DAAM1: variants seen among roughly 807,000 people sequenced by gnomAD.
DAAM1 encodes the protein disheveled-associated activator of morphogenesis 1.
In DAAM1, 52 loss-of-function variants were observed where a neutral mutation model predicts 130.0. That is an observed-to-expected ratio of 0.40 (90% CI 0.32 to 0.50). The LOEUF is 0.50. Ranked by LOEUF, DAAM1 falls within the 20% of genes least tolerant of loss-of-function variation. DAAM1 has a pLI of 0.61. For missense variants in DAAM1, 1,134 were observed against 1,303.8 expected (o/e 0.87, Z 2.01); for synonymous variants, 452 against 444.5 (o/e 1.02, Z -0.21).
intron 1 of DAAM1, among the ~76,000 whole-genome samples, chr14:59,201,507 C>T (rs1022145627): frequency 5.3e-5 from 8 of 151,932 alleles, no homozygotes; most frequent in Non-Finnish European, 7.4e-5. Flanking sequence ...CCCAGCTACT[C>T]GGGAGGCTGA....
At chr14:59,342,765 C>T (rs1050273139) in intron 16 of DAAM1, among the ~76,000 whole-genome samples, 1 of 152,106 alleles carries the variant, frequency 6.6e-6, no homozygotes, top group African/African-American at 2.4e-5. Context: ...GGACATGGAG[C>T]CCGGCCATGT....
At chr14:59,194,139 G>T (rs957960609) in intron 1 of DAAM1, among the ~76,000 whole-genome samples, 7 of 152,114 alleles carry the variant, frequency 4.6e-5, no homozygotes, top group Admixed American at 4.6e-4. Context: ...TCCTGATGTT[G>T]CCTGGTTTCT....
At chr14:59,355,377 G>C (rs1037139269) in intron 20 of DAAM1, 44 bp downstream of exon 20, 2 of 1,607,656 alleles carry the variant, frequency 1.2e-6, no homozygotes, top group East Asian at 2.2e-5. Flanking sequence ...CAGGTGTGTA[G>C]GTCCAGGCTC....
chr14:59,339,979 T>G, intron 15 of DAAM1, 95 bp from the exon 16 acceptor site: 1 of 1,013,252 alleles, frequency 9.9e-7, no homozygotes, highest in Admixed American at 1.8e-5. Context: ...CGAGTGTGTG[T>G]ATGTGTATAT....
chr14:59,295,430 T>C (rs1049737851), intron 3 of DAAM1, among the ~76,000 whole-genome samples: 3 of 152,244 alleles, frequency 2.0e-5, no homozygotes, highest in Non-Finnish European at 4.4e-5. Flanking sequence ...GTTCAGCTAG[T>C]ACTTTTCATT....
chr14:59,361,008 A>G, intron 22 of DAAM1, 146 bp downstream of exon 22: 1 of 655,762 alleles, frequency 1.5e-6, no homozygotes, highest in South Asian at 2.9e-5. Context: ...CACCACAAGA[A>G]GCAAAGGCAG....
chr14:59,367,702 C>T, intron 24 of DAAM1, 103 bp downstream of exon 24: 1 of 1,412,562 alleles, frequency 7.1e-7, no homozygotes, highest in Non-Finnish European at 9.3e-7. Flanking sequence ...GGAAGGAAGG[C>T]TTCAATGTAC....
chr14:59,260,041 C>T (rs937703298), intron 1 of DAAM1, among the ~76,000 whole-genome samples: 2 of 151,342 alleles, frequency 1.3e-5, no homozygotes, highest in African/African-American at 2.4e-5. Context: ...AAGACTCCGT[C>T]TCAAAAAAAA....
At chr14:59,228,101 CT>C (rs912153597) in intron 1 of DAAM1, among the ~76,000 whole-genome samples, 4 of 151,590 alleles carry the variant, frequency 2.6e-5, no homozygotes, top group African/African-American at 7.3e-5. Context: ...TTTCTTACCA[CT>C]TTTTTTTTCT....
At chr14:59,334,399 G>A (rs138727398) in intron 15 of DAAM1, among the ~76,000 whole-genome samples, 3 of 152,120 alleles carry the variant, frequency 2.0e-5, no homozygotes, top group South Asian at 2.1e-4. Flanking sequence ...TTTTCTACTC[G>A]CAAATGAATA....
chr14:59,361,414 T>A (rs544246685), intron 22 of DAAM1, among the ~76,000 whole-genome samples: 49 of 152,250 alleles, frequency 3.2e-4, no homozygotes, highest in African/African-American at 1.2e-3. Context: ...GCAGAGTGAT[T>A]ACGGAGGTGC....
At chr14:59,217,517 A>G (rs981481687) in intron 1 of DAAM1, among the ~76,000 whole-genome samples, 3 of 152,158 alleles carry the variant, frequency 2.0e-5, no homozygotes, top group Non-Finnish European at 4.4e-5. Flanking sequence ...TTGATTAGCA[A>G]TATGTAGCTA....
At chr14:59,204,638 A>G (rs1888205994) in intron 1 of DAAM1, among the ~76,000 whole-genome samples, 1 of 152,216 alleles carries the variant, frequency 6.6e-6, no homozygotes, top group Non-Finnish European at 1.5e-5. Flanking sequence ...GGCAAGGGTA[A>G]TGGGGTATCA....
intron 3 of DAAM1, among the ~76,000 whole-genome samples, chr14:59,314,416 C>T (rs1884708129): frequency 6.6e-6 from 1 of 152,056 alleles, no homozygotes; most frequent in African/African-American, 2.4e-5. Context: ...TCCCTGACCA[C>T]AGTGCCATCT....
At position 59,340,133 on chromosome 14, in the gene DAAM1, G is replaced by T. The variant is rs147145833; in HGVS notation, c.2028G>T (p.Ser676=). The change falls in exon 16 of 25, where the codon TCG becomes TCT. Residue 676 remains serine (S), a synonymous_variant. Transcript: ENST00000360909. The stretch of plus-strand genomic sequence containing the variant: ...CCAAACTTAAAGTTAAAGAGCTTTC[G>T]GTGATTGATGGTCGGAGAGCTCAGA... ...LSSKLKVKEL[S]VIDGRRAQNC... is the part of the protein sequence containing the mutation. The T allele has an allele frequency of 6.2e-7, 1 of 1,613,372 alleles. No individual in the cohort carries two copies. The highest frequency in any genetic ancestry group is 8.5e-7 in the Non-Finnish European group (1 of 1,179,622).
chr14:59,281,949 A>G (rs1343846491), intron 2 of DAAM1, among the ~76,000 whole-genome samples: 1 of 152,098 alleles, frequency 6.6e-6, no homozygotes, highest in Non-Finnish European at 1.5e-5. Context: ...ATCGAATTTA[A>G]TCTGTGTAAC....
intron 1 of DAAM1, among the ~76,000 whole-genome samples, chr14:59,207,404 A>G (rs1242569926): frequency 6.6e-6 from 1 of 152,184 alleles, no homozygotes; most frequent in South Asian, 2.1e-4. Context: ...AAACTTTTCG[A>G]TTTCAGGACC....
At chr14:59,243,560 G>A (rs1881222891) in intron 1 of DAAM1, among the ~76,000 whole-genome samples, 1 of 152,098 alleles carries the variant, frequency 6.6e-6, no homozygotes, top group Non-Finnish European at 1.5e-5. Context: ...GATATCAAGA[G>A]CTATGGCTGC....
At chr14:59,262,655 TGTGTG>T (rs1305228457) in intron 1 of DAAM1, among the ~76,000 whole-genome samples, 4 of 23,890 alleles carry the variant, frequency 1.7e-4, no homozygotes, top group African/African-American at 1.3e-3. Flanking sequence ...ATTCTATTAG[TGTGTG>T]TGTGTGTGTG....
Sources: gnomAD v4.1 joint callset for allele counts (sites outside exome capture counted in the v4.1 genomes callset) on GRCh38, gnomAD v4.1.1 for gene constraint, MANE v1.5 for transcripts, NCBI Gene and HGNC (gene_info 2026-07-23, HGNC 2026-07-21) for gene names.